ZNF541: variants seen among roughly 807,000 people sequenced by gnomAD.
The protein encoded by ZNF541 is zinc finger protein 541.
Under a neutral mutation model 123.5 loss-of-function variants are expected in ZNF541, and 23 were observed. That is an observed-to-expected ratio of 0.19 (90% CI 0.13 to 0.26). The LOEUF (loss-of-function observed/expected upper bound fraction) is 0.26, where lower values mean the gene tolerates loss of function less well. ZNF541 is among the 10% of genes least tolerant of loss of function. ZNF541 has a pLI of 1.00. For missense variants in ZNF541, 1,612 were observed against 1,789.9 expected (o/e 0.90, Z 1.79); for synonymous variants, 751 against 754.5 (o/e 1.00, Z 0.08).
At position 47,521,810 on chromosome 19, in the gene ZNF541, C is replaced by T; in HGVS notation, c.3711+44G>A. ...CGTCCAACTCAACGGGTAGCAGGCA[C>T]TGGGAGGAGAGAAGAGCTCCCGACA... On this transcript the variant is annotated intron_variant, in intron 15 of 16. Coordinates refer to ENST00000391901, the MANE Select transcript of ZNF541 (RefSeq NM_001277075.3). This position sits in a 1 kb window ranked among gnomAD's most constrained non-coding sequence, Gnocchi z 4.2. 1 of 1,543,116 alleles carries T rather than the reference C, an allele frequency of 6.5e-7. No homozygotes were observed. Among genetic ancestry groups the T allele is most frequent in the Non-Finnish European group, 8.8e-7 (1 of 1,141,822 alleles).
At chr19:47,561,740 T>A (rs1971071857) in intron 2 of ZNF541, among the ~76,000 whole-genome samples, 1 of 151,996 alleles carries the variant, frequency 6.6e-6, no homozygotes, top group South Asian at 2.1e-4. Context: ...TCCAGGAGTT[T>A]AAGAAGATCT....
At chr19:47,542,212 C>T (rs1970109911) in intron 5 of ZNF541, among the ~76,000 whole-genome samples, 1 of 152,092 alleles carries the variant, frequency 6.6e-6, no homozygotes, top group Non-Finnish European at 1.5e-5. Context: ...AGACTCGTGG[C>T]TGCCAGGCCC....
At chr19:47,535,829 C>T (rs1184478039) in intron 9 of ZNF541, among the ~76,000 whole-genome samples, 4 of 151,848 alleles carry the variant, frequency 2.6e-5, no homozygotes, top group African/African-American at 9.7e-5. Context: ...CCAGCTCGGT[C>T]GGGGAGACCC....
intron 3 of ZNF541, among the ~76,000 whole-genome samples, chr19:47,551,876 G>T (rs2123242376): frequency 6.6e-6 from 1 of 151,974 alleles, no homozygotes; most frequent in African/African-American, 2.4e-5. Flanking sequence ...TTTGTTTGTT[G>T]AGATGGAGTC....
chr19:47,553,408 CTTT>C (rs1291200798), intron 3 of ZNF541, among the ~76,000 whole-genome samples: 4 of 116,870 alleles, frequency 3.4e-5, no homozygotes, highest in Non-Finnish European at 5.5e-5. Flanking sequence ...CAGGCTAATT[CTTT>C]TTTTTTTTTT....
rs1288829014 is a variant in ZNF541, at chr19:47,555,895, C to G, written c.-39G>C. On this transcript the variant is annotated 5_prime_UTR_variant, in exon 3 of 17. Transcript: ENST00000391901. ...CAGGTCTTGGCCAAAAGCTACTCTCCAGATAAGCAAAACCATGTAAGGAGA... is the reference window on the plus strand; with the variant it reads ...CAGGTCTTGGCCAAAAGCTACTCTCGAGATAAGCAAAACCATGTAAGGAGA... 23 of 1,512,554 alleles carry G rather than the reference C, an allele frequency of 1.5e-5. No homozygotes were observed. Among genetic ancestry groups the G allele is most frequent in the Non-Finnish European group, 2.0e-5 (22 of 1,125,642 alleles). 93.7% of individuals were successfully genotyped at this position (1,512,554 alleles called of 1,614,324 possible).
rs778431189 is a variant in ZNF541 at position 47,538,381 on chromosome 19, C to A, written c.2855G>T (p.Arg952Leu). ...DSKESSQQRK[R>L]KKRPPPSTAG... The stretch of plus-strand genomic sequence containing the variant: ...CGTGGAGGGTGGGGGCCGCTTCTTC[C>A]GCTTTCTCTGCTGGCTGCTCTCCTT... The change falls in exon 9 of 17, where the codon CGG (arginine) becomes CTG (leucine). Residue 952 changes from arginine to leucine, a missense_variant. By Grantham distance (102) the Arg-to-Leu change is moderately radical (BLOSUM62 -2). This residue lies in a region of ZNF541 where 1,080 missense variants were observed against 1,013.8 expected (regional missense o/e 1.07). Coordinates refer to ENST00000391901, the MANE Select transcript of ZNF541 (RefSeq NM_001277075.3). 1.3e-6 allele frequency: 2 copies of A among 1,544,194 alleles called. No homozygotes were observed. The highest frequency in any genetic ancestry group is 8.7e-7 in the Non-Finnish European group (1 of 1,143,110).
chr19:47,566,982 C>T (rs1420263174), intron 2 of ZNF541, among the ~76,000 whole-genome samples: 8 of 151,718 alleles, frequency 5.3e-5, no homozygotes, highest in Admixed American at 3.3e-4. Flanking sequence ...ACCCGGGAGG[C>T]GGAGCTTGCA....
chr19:47,549,161 C>G, intron 4 of ZNF541, 84 bp downstream of exon 4: 2 of 1,523,148 alleles, frequency 1.3e-6, no homozygotes, highest in Non-Finnish European at 1.8e-6. Context: ...GCAGGTTGAT[C>G]TGGGAGAATA....
intron 3 of ZNF541, 77 bp downstream of exon 3, chr19:47,555,473 T>C (rs1318524316): frequency 7.1e-7 from 1 of 1,414,048 alleles, no homozygotes; most frequent in South Asian, 1.5e-5. Flanking sequence ...AACCAATCCA[T>C]GCAGAATCAG....
chr19:47,539,722 T>C lies in ZNF541; in HGVS notation c.2779A>G (p.Ile927Val). 1 of 1,435,590 alleles carries C rather than the reference T, an allele frequency of 7.0e-7. No individual in the cohort carries two copies. The highest frequency in any genetic ancestry group is 9.1e-7 in the Non-Finnish European group (1 of 1,098,522). 88.9% of individuals were successfully genotyped at this position (1,435,590 alleles called of 1,614,324 possible). ...GCACCCACCATGGCCATGCTCCCTA[T>C]GTGTCGGGTCACTGGAACCACGGGG... Reference protein sequence around the residue: ...SIPVVPVTRHIGSMAMGQEKD... With the variant: ...SIPVVPVTRHVGSMAMGQEKD... Residue 927 changes from isoleucine (I) to valine (V), a missense_variant, in exon 8 of 17, where the codon ATA becomes GTA. This residue lies in a region of ZNF541 where 1,080 missense variants were observed against 1,013.8 expected (regional missense o/e 1.07). Coordinates refer to ENST00000391901, the MANE Select transcript of ZNF541 (RefSeq NM_001277075.3).
chr19:47,568,773 A>C (rs1216618945), intron 2 of ZNF541, among the ~76,000 whole-genome samples: 1 of 150,378 alleles, frequency 6.6e-6, no homozygotes, highest in Non-Finnish European at 1.5e-5. Flanking sequence ...CCTGGGTTCA[A>C]GTGATTTTCC....
At chr19:47,539,297 C>CTTTT (rs1001789975) in intron 8 of ZNF541, among the ~76,000 whole-genome samples, 7 of 125,832 alleles carry the variant, frequency 5.6e-5, no homozygotes, top group Non-Finnish European at 1.0e-4. Context: ...TCAAGATTTT[C>CTTTT]TTTTTTTTTT....
intron 5 of ZNF541, 66 bp downstream of exon 5, chr19:47,544,060 G>T: frequency 2.8e-6 from 4 of 1,447,988 alleles, no homozygotes; most frequent in Non-Finnish European, 3.6e-6. Flanking sequence ...AAAATGCCTG[G>T]ACAACTAACA....
chr19:47,540,763 A>G, intron 6 of ZNF541, 130 bp downstream of exon 6: 1 of 910,784 alleles, frequency 1.1e-6, no homozygotes, highest in South Asian at 1.8e-5. Context: ...TAAACCCTAT[A>G]AAATGGAGGC....
intron 8 of ZNF541, among the ~76,000 whole-genome samples, chr19:47,538,918 T>C (rs1021943277): frequency 6.6e-6 from 1 of 152,140 alleles, no homozygotes; most frequent in Non-Finnish European, 1.5e-5. Context: ...TGATCACTCG[T>C]AACTCACCAT....
intron 8 of ZNF541, among the ~76,000 whole-genome samples, chr19:47,539,297 C>CTTTTT (rs1001789975): frequency 6.4e-5 from 8 of 125,826 alleles, no homozygotes; most frequent in South Asian, 2.6e-4. Flanking sequence ...TCAAGATTTT[C>CTTTTT]TTTTTTTTTT....
chr19:47,547,232 G>T (rs942701859), intron 4 of ZNF541, among the ~76,000 whole-genome samples: 1 of 152,070 alleles, frequency 6.6e-6, no homozygotes, highest in Non-Finnish European at 1.5e-5. Context: ...CTTACCGTAG[G>T]AGACCCCTAA....
chr19:47,538,601 G>C, intron 8 of ZNF541, 162 bp from the exon 9 acceptor site: 1 of 667,692 alleles, frequency 1.5e-6, no homozygotes, highest in Non-Finnish European at 2.4e-6. Flanking sequence ...CAGACCTGAC[G>C]TACTGAGCCT....
Sources: gnomAD v4.1 joint callset for allele counts (sites outside exome capture counted in the v4.1 genomes callset) on GRCh38, gnomAD v4.1.1 for gene constraint, gnomAD v4.1.1 regional missense constraint, Gnocchi (gnomAD v3.1) non-coding constraint, MANE v1.5 for transcripts, NCBI Gene and HGNC (gene_info 2026-07-23, HGNC 2026-07-21) for gene names.